The following SCAF4 variants were observed in gnomAD, a reference collection of about 807,000 sequenced individuals.
SCAF4 encodes the protein SR-related CTD associated factor 4.
Under a neutral mutation model 129.8 loss-of-function variants are expected in SCAF4, and 25 were observed. The ratio of observed to expected loss-of-function variants is 0.19; its 90% CI spans 0.14 to 0.27. The LOEUF (loss-of-function observed/expected upper bound fraction) is 0.27. Among genes scored for constraint, SCAF4 ranks in the 10% least tolerant of loss-of-function variants. The pLI is 1.00. For missense variants in SCAF4, 1,246 were observed against 1,457.1 expected (o/e 0.86, Z 2.36); for synonymous variants, 551 against 497.7 (o/e 1.11, Z -1.43).
chr21:31,685,655 G>A lies in SCAF4; in HGVS notation c.2122C>T (p.Pro708Ser). 2 of 1,613,962 alleles carry A rather than the reference G, an allele frequency of 1.2e-6. No homozygotes were observed. The highest frequency in any genetic ancestry group is 1.7e-6 in the Non-Finnish European group (2 of 1,179,956). ...PAFTPPLGIP[P>S]PGFGPGVPPP... ...GGAACACCAGGACCAAAGCCTGGAGGCGGTATTCCCAGAGGAGGCGTGAAA... is the reference window on the plus strand; with the variant it reads ...GGAACACCAGGACCAAAGCCTGGAGACGGTATTCCCAGAGGAGGCGTGAAA... Residue 708 changes from proline (P) to serine (S), a missense_variant, in exon 17 of 20, where the codon CCT becomes TCT. Coordinates refer to ENST00000286835, the MANE Select transcript of SCAF4 (RefSeq NM_020706.2).
At chr21:31,709,659 A>C (rs1383785252) in intron 1 of SCAF4, among the ~76,000 whole-genome samples, 1 of 152,204 alleles carries the variant, frequency 6.6e-6, no homozygotes, top group Admixed American at 6.5e-5. Flanking sequence ...GACCAGCAAG[A>C]GAACAGTCAG....
intron 1 of SCAF4, among the ~76,000 whole-genome samples, chr21:31,707,222 G>A (rs912212594): frequency 5.3e-5 from 8 of 151,968 alleles, no homozygotes; most frequent in East Asian, 1.9e-4. Flanking sequence ...CCATGGTGGC[G>A]CACACCTGTA....
intron 19 of SCAF4, among the ~76,000 whole-genome samples, chr21:31,677,142 C>G (rs2049877783): frequency 6.6e-6 from 1 of 152,044 alleles, no homozygotes; most frequent in Non-Finnish European, 1.5e-5. Context: ...ACCCACATGC[C>G]ACCAAATCTA....
At chr21:31,711,854 A>G (rs2050807156) in intron 1 of SCAF4, among the ~76,000 whole-genome samples, 2 of 152,150 alleles carry the variant, frequency 1.3e-5, no homozygotes, top group Non-Finnish European at 2.9e-5. Context: ...GTATAAAGTG[A>G]TGTGCCTACC....
chr21:31,692,211 C>T (rs1053410905), intron 13 of SCAF4, 138 bp downstream of exon 13: 13 of 627,758 alleles, frequency 2.1e-5, no homozygotes, highest in African/African-American at 3.7e-5. Flanking sequence ...TAATTCTAAA[C>T]GTGGACTCTG....
At chr21:31,718,111 T>C (rs1002920048) in intron 1 of SCAF4, among the ~76,000 whole-genome samples, 1 of 151,056 alleles carries the variant, frequency 6.6e-6, no homozygotes, top group African/African-American at 2.4e-5. Flanking sequence ...ACCTGGCTAA[T>C]TTTTTTGTAT....
At chr21:31,709,350 CAA>C (rs376581889) in intron 1 of SCAF4, among the ~76,000 whole-genome samples, 6 of 117,770 alleles carry the variant, frequency 5.1e-5, no homozygotes, top group Admixed American at 8.6e-5. Flanking sequence ...CTGAAACTGT[CAA>C]AAAAAAAAAA....
At chr21:31,686,814 A>G (rs1056057634) in intron 16 of SCAF4, among the ~76,000 whole-genome samples, 16 of 152,146 alleles carry the variant, frequency 1.1e-4, no homozygotes, top group African/African-American at 3.9e-4. Context: ...TTCTTATGAG[A>G]ATCTAACTAA....
At chr21:31,703,956 A>G in intron 3 of SCAF4, 30 bp from the exon 4 acceptor site, 1 of 1,412,796 alleles carries the variant, frequency 7.1e-7, no homozygotes, top group Non-Finnish European at 9.6e-7. Context: ...AGATCAGTAC[A>G]GAAAAAGCAA....
intron 15 of SCAF4, among the ~76,000 whole-genome samples, chr21:31,689,698 G>A (rs1338437904): frequency 6.6e-6 from 1 of 151,346 alleles, no homozygotes. Flanking sequence ...GGGAGGCTGA[G>A]GCAGTAGGCA....
chr21:31,728,093 A>G (rs1316900063), intron 1 of SCAF4, among the ~76,000 whole-genome samples: 2 of 151,932 alleles, frequency 1.3e-5, no homozygotes, highest in African/African-American at 2.4e-5. Context: ...CTTATCCATA[A>G]TTTTGCTTCA....
At chr21:31,692,026 C>T (rs1442759577) in intron 13 of SCAF4, 96 bp from the exon 14 acceptor site, 1 of 653,132 alleles carries the variant, frequency 1.5e-6, no homozygotes, top group Non-Finnish European at 2.6e-6. Context: ...CCATCCCTCA[C>T]CCCATGCTAT....
intron 1 of SCAF4, among the ~76,000 whole-genome samples, chr21:31,712,181 T>C (rs2050813525): frequency 6.6e-6 from 1 of 151,836 alleles, no homozygotes; most frequent in South Asian, 2.1e-4. Flanking sequence ...CCCTCTACTG[T>C]TGCCAGTTCT....
intron 5 of SCAF4, 44 bp downstream of exon 5, chr21:31,702,200 A>G (rs1294531277): frequency 1.2e-6 from 2 of 1,610,882 alleles, no homozygotes; most frequent in Non-Finnish European, 1.7e-6. Context: ...TCATGTGCAA[A>G]AAATCATACC....
At chr21:31,717,870 C>CACAT (rs1555853934) in intron 1 of SCAF4, among the ~76,000 whole-genome samples, 9,564 of 124,546 alleles carry the variant, frequency 0.077, 456 homozygotes, top group Non-Finnish European at 0.099. Context: ...CACACACACA[C>CACAT]ATATACACAT....
intron 1 of SCAF4, among the ~76,000 whole-genome samples, chr21:31,723,077 TTGTG>T (rs1475757887): frequency 1.3e-5 from 2 of 152,274 alleles, no homozygotes; most frequent in African/African-American, 2.4e-5. Flanking sequence ...AACTTCCTAT[TTGTG>T]TATGTGTTGC....
chr21:31,676,227 T>C (rs924396625), intron 19 of SCAF4, among the ~76,000 whole-genome samples: 3 of 152,266 alleles, frequency 2.0e-5, no homozygotes, highest in East Asian at 1.9e-4. Context: ...CCACCATCTC[T>C]AGGAGCTCTA....
At chr21:31,695,303 G>A (rs1046195318) in intron 9 of SCAF4, among the ~76,000 whole-genome samples, 1 of 151,970 alleles carries the variant, frequency 6.6e-6, no homozygotes, top group African/African-American at 2.4e-5. Flanking sequence ...CATTGCAAAT[G>A]GTCTCTTTTC....
At chr21:31,692,828 A>G (rs922271912) in intron 12 of SCAF4, among the ~76,000 whole-genome samples, 2 of 152,226 alleles carry the variant, frequency 1.3e-5, no homozygotes, top group African/African-American at 4.8e-5. Flanking sequence ...GTTCACTTGC[A>G]TGTAACTGTC....
Sources: allele counts gnomAD v4.1 joint callset (sites outside exome capture counted in the v4.1 genomes callset), GRCh38; gene constraint gnomAD v4.1.1; transcripts MANE v1.5; gene names NCBI Gene and HGNC (gene_info 2026-07-23, HGNC 2026-07-21).